CCDC7: variants seen among roughly 807,000 people sequenced by gnomAD.
CCDC7 encodes the protein coiled-coil domain-containing protein 7.
A neutral mutation model predicts 196.9 loss-of-function variants in CCDC7; 183 were observed. That is an observed-to-expected ratio of 0.93 (90% CI 0.82 to 1.05). The LOEUF (loss-of-function observed/expected upper bound fraction) is 1.05. Ranked by LOEUF, CCDC7 falls within the 50% of genes least tolerant of loss-of-function variation. The probability of loss-of-function intolerance (pLI) is 0.00; values close to 1 mark genes in which losing one functional copy is unlikely to be tolerated. For missense variants in CCDC7, 1,540 were observed against 1,482.2 expected (o/e 1.04, Z -0.64); for synonymous variants, 525 against 484.6 (o/e 1.08, Z -1.10).
At chr10:32,559,165 A>C (rs1211598648) in intron 13 of CCDC7, among the ~76,000 whole-genome samples, 1 of 152,220 alleles carries the variant, frequency 6.6e-6, no homozygotes, top group African/African-American at 2.4e-5. Context: ...AGCAGCCAGG[A>C]AGCTCGAACT....
At chr10:32,644,371 C>T (rs2067380011) in intron 20 of CCDC7, among the ~76,000 whole-genome samples, 1 of 152,134 alleles carries the variant, frequency 6.6e-6, no homozygotes, top group Admixed American at 6.6e-5. Flanking sequence ...CCCTCCACAG[C>T]CTCTGATAAG....
chr10:32,631,150 T>A (rs1349352330), intron 18 of CCDC7, among the ~76,000 whole-genome samples: 2 of 152,158 alleles, frequency 1.3e-5, no homozygotes, highest in Non-Finnish European at 1.5e-5. Flanking sequence ...GCAAAAAAAA[T>A]TTTAATTGTG....
At chr10:32,657,017 C>T (rs1241773804) in intron 20 of CCDC7, among the ~76,000 whole-genome samples, 1 of 152,190 alleles carries the variant, frequency 6.6e-6, no homozygotes, top group East Asian at 1.9e-4. Flanking sequence ...TTTAAAGTTC[C>T]AAAATGATCT....
intron 11 of CCDC7, among the ~76,000 whole-genome samples, chr10:32,537,393 A>G (rs528111493): frequency 2.6e-5 from 4 of 152,214 alleles, no homozygotes; most frequent in African/African-American, 7.2e-5. Flanking sequence ...GATTCTGGAT[A>G]TAACACCTTT....
At chr10:32,688,692 T>C (rs1269722540) in intron 22 of CCDC7, among the ~76,000 whole-genome samples, 7 of 152,220 alleles carry the variant, frequency 4.6e-5, no homozygotes, top group Admixed American at 4.6e-4. Context: ...GATCTATGCT[T>C]GTATATTTAG....
At chr10:32,568,751 A>G (rs965646254) in intron 15 of CCDC7, among the ~76,000 whole-genome samples, 2 of 152,208 alleles carry the variant, frequency 1.3e-5, no homozygotes, top group Non-Finnish European at 2.9e-5. Context: ...CGGGCTAGTC[A>G]TTTACACAAG....
chr10:32,573,130 G>A (rs74835290), intron 16 of CCDC7, among the ~76,000 whole-genome samples: 12,542 of 151,700 alleles, frequency 0.083, 555 homozygotes, highest in East Asian at 0.16. Context: ...CACCCACCTC[G>A]GACTCCCAAA....
chr10:32,549,774 G>T (rs1425464707), intron 13 of CCDC7, among the ~76,000 whole-genome samples: 1 of 152,094 alleles, frequency 6.6e-6, no homozygotes, highest in Non-Finnish European at 1.5e-5. Context: ...TTGTCAGTGT[G>T]CCTGTTTTTA....
chr10:32,672,073 G>A (rs904395256), intron 21 of CCDC7, among the ~76,000 whole-genome samples: 1 of 152,122 alleles, frequency 6.6e-6, no homozygotes, highest in African/African-American at 2.4e-5. Flanking sequence ...GGTGCCAATG[G>A]AGTGGCTGCA....
At chr10:32,724,408 T>C (rs999893504) in intron 25 of CCDC7, among the ~76,000 whole-genome samples, 2 of 152,120 alleles carry the variant, frequency 1.3e-5, no homozygotes. Flanking sequence ...TCAATTAATA[T>C]AACAAGTCAA....
At chr10:32,576,261 T>A (rs2058168234) in intron 16 of CCDC7, among the ~76,000 whole-genome samples, 1 of 150,472 alleles carries the variant, frequency 6.6e-6, no homozygotes, top group Non-Finnish European at 1.5e-5. Context: ...ATGAGCAATA[T>A]GTTGTGTGTT....
chr10:32,565,511 T>C (rs776386401), intron 13 of CCDC7, 47 bp from the exon 15 acceptor site: 2 of 1,573,786 alleles, frequency 1.3e-6, no homozygotes, highest in South Asian at 2.3e-5. Context: ...CTAAATTAAT[T>C]AAAAATACCA....
At chr10:32,721,816 A>C (rs886285898) in intron 25 of CCDC7, among the ~76,000 whole-genome samples, 3 of 152,118 alleles carry the variant, frequency 2.0e-5, no homozygotes, top group Non-Finnish European at 4.4e-5. Flanking sequence ...CACCAGGAAG[A>C]TGTCTTCAAT....
chr10:32,693,637 G>T (rs2141302893), intron 23 of CCDC7, among the ~76,000 whole-genome samples: 1 of 152,094 alleles, frequency 6.6e-6, no homozygotes, highest in East Asian at 1.9e-4. Context: ...GTTCAACATT[G>T]TTTGATTATA....
chr10:32,642,652 G>A (rs955827), intron 20 of CCDC7, among the ~76,000 whole-genome samples: 54,278 of 151,800 alleles, frequency 0.36, 12,134 homozygotes, highest in Non-Finnish European at 0.5. Context: ...TCGGTGCCCC[G>A]CACCCACTGT....
intron 29 of CCDC7, among the ~76,000 whole-genome samples, chr10:32,789,038 T>C (rs879519230): frequency 4.7e-5 from 7 of 150,466 alleles, no homozygotes; most frequent in Non-Finnish European, 8.8e-5. Context: ...GCAAGACTAC[T>C]CATGAACTAA....
chr10:32,707,213 C>G (rs914736767), intron 24 of CCDC7, among the ~76,000 whole-genome samples: 2 of 151,702 alleles, frequency 1.3e-5, no homozygotes, highest in African/African-American at 4.8e-5. Flanking sequence ...GAACCAAAGT[C>G]AAGAACCACA....
chr10:32,604,205 A>G (rs796637437), intron 18 of CCDC7, among the ~76,000 whole-genome samples: 12 of 152,182 alleles, frequency 7.9e-5, no homozygotes, highest in African/African-American at 2.6e-4. Context: ...TCCTATCCCC[A>G]GTGTATGTTC....
chr10:32,486,747 A>G (rs1266248363), intron 8 of CCDC7, among the ~76,000 whole-genome samples: 2 of 147,444 alleles, frequency 1.4e-5, no homozygotes, highest in African/African-American at 2.5e-5. Flanking sequence ...TCCTTCACTT[A>G]TGAAGCTTAG....
Sources: allele counts gnomAD v4.1 joint callset (sites outside exome capture counted in the v4.1 genomes callset), GRCh38; gene constraint gnomAD v4.1.1; transcripts MANE v1.5; gene names NCBI Gene and HGNC (gene_info 2026-07-23, HGNC 2026-07-21).